Variants in IGFBP7 observed in about 807,000 individuals in gnomAD.
IGFBP7 encodes the protein insulin like growth factor binding protein 7.
A neutral mutation model predicts 29.4 loss-of-function variants in IGFBP7; 31 were observed. That is an observed-to-expected ratio of 1.05 (90% confidence interval 0.79 to 1.42). The LOEUF is 1.42. IGFBP7 is among the 40% of genes most tolerant of loss of function. The probability of loss-of-function intolerance (pLI) is 0.00; values close to 1 mark genes in which losing one functional copy is unlikely to be tolerated. For missense variants in IGFBP7, 393 were observed against 395.5 expected (o/e 0.99, Z 0.05); for synonymous variants, 172 against 174.9 (o/e 0.98, Z 0.13).
At chr4:57,041,702 T>C (rs1724230563) in intron 1 of IGFBP7, among the ~76,000 whole-genome samples, 1 of 151,876 alleles carries the variant, frequency 6.6e-6, no homozygotes, top group Non-Finnish European at 1.5e-5. Flanking sequence ...TGTCAGTTAA[T>C]TTTTATTTTT....
At chr4:57,109,447 G>C (rs572336506) in intron 1 of IGFBP7, among the ~76,000 whole-genome samples, 5 of 151,974 alleles carry the variant, frequency 3.3e-5, no homozygotes, top group African/African-American at 1.2e-4. Context: ...AAAAAAGTCT[G>C]TCTGGAAGTC....
At chr4:57,049,495 T>C (rs1309493659) in intron 1 of IGFBP7, among the ~76,000 whole-genome samples, 1 of 152,178 alleles carries the variant, frequency 6.6e-6, no homozygotes, top group African/African-American at 2.4e-5. Flanking sequence ...CCTTTGCTTA[T>C]GCTGATGCCC....
rs559563393 is a variant in IGFBP7 at position 57,054,079 on chromosome 4, A to G, written c.476-13146T>C. ...TTGGTCTTGGACTCCCAGGAGTCCAAGCTCAAGCCATCCTCCTGCCTCAGC... is the reference window on the plus strand; with the variant it reads ...TTGGTCTTGGACTCCCAGGAGTCCAGGCTCAAGCCATCCTCCTGCCTCAGC... On this transcript the variant is annotated intron_variant, in intron 1 of 4. Coordinates refer to ENST00000295666, the MANE Select transcript of IGFBP7 (RefSeq NM_001553.3). Among the ~76,000 whole-genome samples the G allele has an allele frequency of 3.3e-5, 5 of 152,082 alleles. No individual in the cohort carries two copies. The South Asian group carries it at 1.0e-3, about 32-fold the overall frequency.
chr4:57,093,088 AGTGTTTAAT>A (rs1725677727), intron 1 of IGFBP7, among the ~76,000 whole-genome samples: 1 of 152,218 alleles, frequency 6.6e-6, no homozygotes, highest in Non-Finnish European at 1.5e-5. Context: ...TTCCACTGTT[AGTGTTTAAT>A]AACAAAAAAG....
At position 57,073,593 on chromosome 4, in the gene IGFBP7, CAAA is replaced by C. The variant is rs33959236; in HGVS notation, c.476-32663_476-32661del. 2.7e-3 allele frequency among the ~76,000 whole-genome samples: 398 copies of C among 148,350 alleles called. 2 individuals carry two copies. The highest frequency in any genetic ancestry group is 8.9e-3 in the East Asian group (45 of 5,062). ...CATGGGTGACAGAGTGACCCTGACT[CAAA>C]AAAAAAAAAATTAAATAAATAAATA... On this transcript the variant is annotated intron_variant, in intron 1 of 4. Transcript: ENST00000295666.
Position 57,061,445 on chromosome 4 carries a change from G to A in IGFBP7, c.476-20512C>T, listed in dbSNP as rs141810555. On this transcript the variant is annotated intron_variant, in intron 1 of 4. Transcript: ENST00000295666. Reference sequence around the variant, plus strand: ...AATAAACCAAATTTATTATTCTTGCGCTTTGGGGCCATTATTAAGTAAAAT... The same window carrying A: ...AATAAACCAAATTTATTATTCTTGCACTTTGGGGCCATTATTAAGTAAAAT... Among the ~76,000 whole-genome samples the A allele has an allele frequency of 2.4e-4, 37 of 152,116 alleles. No individual in the cohort carries two copies. In the East Asian group the frequency reaches 6.0e-3, roughly 25 times the overall value.
intron 1 of IGFBP7, among the ~76,000 whole-genome samples, chr4:57,051,010 T>G (rs1209995561): frequency 6.6e-6 from 1 of 151,974 alleles, no homozygotes. Context: ...AAAATCAGGG[T>G]TTAAGAAGGA....
At chr4:57,073,143 C>A (rs1725100584) in intron 1 of IGFBP7, 4 of 1,592,248 alleles carry the variant, frequency 2.5e-6, no homozygotes, top group Non-Finnish European at 3.4e-6. Context: ...CCCAGGCTGC[C>A]CAGCCTGTCC....
chr4:57,081,235 G>A (rs1429889367), intron 1 of IGFBP7, among the ~76,000 whole-genome samples: 3 of 152,020 alleles, frequency 2.0e-5, no homozygotes, highest in Non-Finnish European at 4.4e-5. Flanking sequence ...AATCACTTTG[G>A]AATTGCCCAT....
At chr4:57,064,775 C>T (rs978031363) in intron 1 of IGFBP7, among the ~76,000 whole-genome samples, 2 of 152,182 alleles carry the variant, frequency 1.3e-5, no homozygotes, top group African/African-American at 4.8e-5. Context: ...TAAATATTTG[C>T]CTCAGCTCAT....
chr4:57,110,189 C>T lies in IGFBP7; in HGVS notation c.163G>A (p.Asp55Asn). 7.2e-7 allele frequency: 1 copy of T among 1,387,964 alleles called. No individual in the cohort carries two copies. The highest frequency in any genetic ancestry group is 9.3e-7 in the Non-Finnish European group (1 of 1,080,348). 86.0% of individuals were successfully genotyped at this position (1,387,964 alleles called of 1,614,324 possible). The change falls in exon 1 of 5, where the codon GAC becomes AAC. Residue 55 changes from aspartate (D) to asparagine (N), a missense_variant. Transcript: ENST00000295666. Reference sequence around the variant, plus strand: ...CACATAGGGCAGCAGCCGCACGCGTCGCGGGTCTCGCCCAGCAGGCAGCCC... The same window carrying T: ...CACATAGGGCAGCAGCCGCACGCGTTGCGGGTCTCGCCCAGCAGGCAGCCC... The part of the protein sequence containing the change: ...PLGCLLGETR[D>N]ACGCCPMCAR...
chr4:57,035,786 A>G (rs139748864), intron 2 of IGFBP7, among the ~76,000 whole-genome samples: 72 of 152,374 alleles, frequency 4.7e-4, no homozygotes, highest in African/African-American at 1.6e-3. Context: ...TCTAGTTAAA[A>G]TTGGAATTAA....
intron 1 of IGFBP7, among the ~76,000 whole-genome samples, chr4:57,053,679 C>T (rs13111961): frequency 0.24 from 35,922 of 151,968 alleles, 4,544 homozygotes; most frequent in East Asian, 0.34. Context: ...GGCTGAGGTC[C>T]ACACAAGTTG....
intron 1 of IGFBP7, among the ~76,000 whole-genome samples, chr4:57,079,648 C>A (rs1421087735): frequency 6.6e-6 from 1 of 152,152 alleles, no homozygotes; most frequent in Admixed American, 6.5e-5. Context: ...TTCCCAATTT[C>A]TCCACTAAGA....
intron 1 of IGFBP7, among the ~76,000 whole-genome samples, chr4:57,064,074 A>G (rs1445165508): frequency 6.6e-6 from 1 of 152,182 alleles, no homozygotes; most frequent in Non-Finnish European, 1.5e-5. Context: ...CATGATGGCT[A>G]TCACCTGTAA....
intron 1 of IGFBP7, among the ~76,000 whole-genome samples, chr4:57,053,745 G>C (rs1387477219): frequency 2.6e-5 from 4 of 151,758 alleles, no homozygotes; most frequent in Non-Finnish European, 5.9e-5. Flanking sequence ...TGACTTTATA[G>C]AGAGTGCTTT....
intron 2 of IGFBP7, among the ~76,000 whole-genome samples, chr4:57,036,886 G>A (rs1327995769): frequency 2.6e-5 from 4 of 152,176 alleles, no homozygotes; most frequent in African/African-American, 7.2e-5. Flanking sequence ...TCTTAAATTG[G>A]ATTTGAAACA....
At chr4:57,040,291 T>A (rs1424822152) in intron 2 of IGFBP7, among the ~76,000 whole-genome samples, 1 of 152,128 alleles carries the variant, frequency 6.6e-6, no homozygotes, top group Non-Finnish European at 1.5e-5. Flanking sequence ...TCCTTTTACC[T>A]TCTTAGCCGA....
rs1052665051 is a variant in IGFBP7 at position 57,085,404 on chromosome 4, T to C, written c.475+24473A>G. On this transcript the variant is annotated intron_variant, in intron 1 of 4. Transcript: ENST00000295666. Reference sequence around the variant, plus strand: ...AATAATTTTCCTCCTTTTAACCTCCTAGTCTTTTAAGGGATTCTCTATTGT... The same window carrying C: ...AATAATTTTCCTCCTTTTAACCTCCCAGTCTTTTAAGGGATTCTCTATTGT... 2.9e-4 allele frequency among the ~76,000 whole-genome samples: 44 copies of C among 152,336 alleles called. 1 individual carries two copies. The highest frequency in any genetic ancestry group is 4.0e-4 in the Non-Finnish European group (27 of 68,038).
Sources: gnomAD v4.1 joint callset for allele counts (sites outside exome capture counted in the v4.1 genomes callset) on GRCh38, gnomAD v4.1.1 for gene constraint, MANE v1.5 for transcripts, NCBI Gene and HGNC (gene_info 2026-07-23, HGNC 2026-07-21) for gene names.